CYRIB: variants seen among roughly 807,000 people sequenced by gnomAD.
CYRIB encodes CYFIP-related Rac1 interactor B.
Under a neutral mutation model 44.2 loss-of-function variants are expected in CYRIB, and 8 were observed. The ratio of observed to expected loss-of-function variants is 0.18; its 90% CI spans 0.11 to 0.33. The LOEUF (loss-of-function observed/expected upper bound fraction) is 0.33, where lower values mean the gene tolerates loss of function less well. CYRIB is among the 10% of genes least tolerant of loss of function. The pLI is 1.00. For missense variants in CYRIB, 185 were observed against 382.8 expected (o/e 0.48, Z 4.31); for synonymous variants, 131 against 127.2 (o/e 1.03, Z -0.20).
intron 11 of CYRIB, among the ~76,000 whole-genome samples, chr8:129,842,465 T>A (rs1315599079): frequency 1.3e-5 from 2 of 152,200 alleles, no homozygotes; most frequent in African/African-American, 2.4e-5. Context: ...ACCTCTCAAG[T>A]AAACAATTAG....
chr8:129,859,122 T>A (rs1199607883), intron 5 of CYRIB, among the ~76,000 whole-genome samples: 1 of 152,028 alleles, frequency 6.6e-6, no homozygotes, highest in Non-Finnish European at 1.5e-5. Context: ...ATAAGGAGTG[T>A]GAGCCATCTC....
chr8:129,937,007 A>G (rs2092934659), intron 1 of CYRIB, among the ~76,000 whole-genome samples: 1 of 152,136 alleles, frequency 6.6e-6, no homozygotes, highest in Admixed American at 6.6e-5. Context: ...GCGCCCAGCC[A>G]GCAGTCTTAA....
intron 2 of CYRIB, among the ~76,000 whole-genome samples, chr8:129,886,989 A>G (rs1198906682): frequency 2.0e-5 from 3 of 151,878 alleles, no homozygotes; most frequent in Non-Finnish European, 4.4e-5. Context: ...TAACACACTC[A>G]AAATAAAATC....
At chr8:129,952,719 C>T (rs1379802364) in intron 2 of CYRIB, among the ~76,000 whole-genome samples, 1 of 151,828 alleles carries the variant, frequency 6.6e-6, no homozygotes, top group Non-Finnish European at 1.5e-5. Context: ...ATAGGAGGGG[C>T]CAAAGCAAAC....
In CYRIB at chr8:129,842,539, G is replaced by A. The variant is rs774111332; in HGVS notation, c.912-334C>T. Among the ~76,000 whole-genome samples, 105 of 152,282 alleles carry A rather than the reference G, an allele frequency of 6.9e-4. 1 individual carries two copies. The highest frequency in any genetic ancestry group is 5.0e-4 in the Non-Finnish European group (34 of 68,018). ...CAGAGGCTGGCAAATTATAGCCCAT[G>A]GGCCATCCAATCCACCAATTTTTTT... On this transcript the variant is annotated intron_variant, in intron 11 of 11. Transcript: ENST00000519824.
chr8:129,922,879 A>G (rs901560175), intron 1 of CYRIB, among the ~76,000 whole-genome samples: 8 of 149,978 alleles, frequency 5.3e-5, no homozygotes, highest in African/African-American at 2.0e-4. Context: ...AAAAACAAAA[A>G]AAGATGCTTT....
intron 1 of CYRIB, among the ~76,000 whole-genome samples, chr8:129,985,848 G>A (rs1028912883): frequency 1.3e-5 from 2 of 152,158 alleles, no homozygotes; most frequent in African/African-American, 4.8e-5. Flanking sequence ...GGGTGAGCAG[G>A]TGTTGGGAAG....
At chr8:129,943,928 A>G (rs2093948933), upstream of CYRIB, among the ~76,000 whole-genome samples, 1 of 150,958 alleles carries the variant, frequency 6.6e-6, no homozygotes, top group Non-Finnish European at 1.5e-5. Flanking sequence ...AAAAAAAAAA[A>G]AAAAGAATGA....
intron 1 of CYRIB, among the ~76,000 whole-genome samples, chr8:129,992,258 C>T (rs73398782): frequency 0.013 from 1,924 of 152,000 alleles, 42 homozygotes; most frequent in African/African-American, 0.045. Context: ...GCGGTCAAGG[C>T]CCTCCAGCCT....
At chr8:129,948,977 AG>A in intron 2 of CYRIB, 1 of 152,264 alleles carries the variant, frequency 6.6e-6, no homozygotes, top group East Asian at 1.9e-4. Context: ...TGGGAGGCTG[AG>A]GCAGTAGGAT....
At chr8:130,017,102 AG>A (rs1475443459), upstream of CYRIB, 1 of 152,282 alleles carries the variant, frequency 6.6e-6, no homozygotes, top group East Asian at 1.9e-4. Flanking sequence ...GCACCCATTC[AG>A]CCCTCCCGCA....
rs551561424 is a variant in CYRIB, at chr8:130,005,237, C to T, written c.-296+11133G>A. On this transcript the variant is annotated intron_variant, in intron 1 of 14. Transcript: ENST00000401979. ...TTGGTGCTTTTAGGTCTTGGGGGCA[C>T]GTGTCTGTCTGTTAGGAACCAGCGG... 1.1e-4 allele frequency among the ~76,000 whole-genome samples: 16 copies of T among 152,196 alleles called. No individual in the cohort carries two copies. In the South Asian group the frequency reaches 1.9e-3, roughly 18 times the overall value.
At chr8:129,896,815 G>A (rs1283649496) in intron 2 of CYRIB, 1 of 152,188 alleles carries the variant, frequency 6.6e-6, no homozygotes. Context: ...TCTCCTCGGA[G>A]ATTTCACAGG....
At chr8:129,853,622 G>A (rs536879195) in intron 7 of CYRIB, among the ~76,000 whole-genome samples, 76 of 152,184 alleles carry the variant, frequency 5.0e-4, no homozygotes, top group Middle Eastern at 6.8e-3. Flanking sequence ...ATTTTCTTCC[G>A]CTCTAGTTTT....
chr8:129,964,485 G>C (rs1456571383), intron 2 of CYRIB, among the ~76,000 whole-genome samples: 1 of 152,178 alleles, frequency 6.6e-6, no homozygotes, highest in East Asian at 1.9e-4. Flanking sequence ...AAGCAGCTGG[G>C]TTACCCGTTT....
chr8:129,849,099 AGAG>A (rs1296777615), intron 10 of CYRIB, 141 bp downstream of exon 12: 7 of 666,514 alleles, frequency 1.1e-5, no homozygotes, highest in Non-Finnish European at 1.7e-5. Flanking sequence ...GCACAGGGAC[AGAG>A]GAGATGAAAG....
At chr8:129,976,081 T>C (rs1384111691) in intron 1 of CYRIB, among the ~76,000 whole-genome samples, 1 of 152,056 alleles carries the variant, frequency 6.6e-6, no homozygotes, top group Non-Finnish European at 1.5e-5. Flanking sequence ...AGACAATAAA[T>C]GTTAATTAAA....
intron 1 of CYRIB, among the ~76,000 whole-genome samples, chr8:129,998,133 A>C (rs547432988): frequency 0.015 from 2,325 of 151,310 alleles, 60 homozygotes; most frequent in African/African-American, 0.054. Flanking sequence ...AAAAAAAAAA[A>C]AAAAACAAAA....
chr8:129,924,910 C>A (rs1477210597), intron 1 of CYRIB, among the ~76,000 whole-genome samples: 1 of 152,166 alleles, frequency 6.6e-6, no homozygotes, highest in African/African-American at 2.4e-5. Flanking sequence ...CCTTGGAAGT[C>A]GAGGCTGCAG....
Sources: allele counts gnomAD v4.1 joint callset (sites outside exome capture counted in the v4.1 genomes callset), GRCh38; gene constraint gnomAD v4.1.1; transcripts MANE v1.5; gene names NCBI Gene and HGNC (gene_info 2026-07-23, HGNC 2026-07-21).